Variants in CAMK4 observed in about 807,000 individuals in gnomAD.
CAMK4 encodes the protein calcium/calmodulin-dependent protein kinase type IV.
Under a neutral mutation model 44.9 loss-of-function variants are expected in CAMK4, and 22 were observed. The observed-to-expected ratio is 0.49, with a 90% CI of 0.35 to 0.70. The LOEUF (loss-of-function observed/expected upper bound fraction) is 0.70, where lower values mean the gene tolerates loss of function less well. Among genes scored for constraint, CAMK4 ranks in the 30% least tolerant of loss-of-function variants. The pLI, the probability that CAMK4 is intolerant of heterozygous loss-of-function variation, is 0.01. For missense variants in CAMK4, 498 were observed against 586.8 expected (o/e 0.85, Z 1.56); for synonymous variants, 218 against 215.4 (o/e 1.01, Z -0.11).
intron 5 of CAMK4, 127 bp from the exon 6 acceptor site, chr5:111,446,559 C>T: frequency 1.7e-6 from 1 of 573,818 alleles, no homozygotes; most frequent in South Asian, 2.5e-5. Flanking sequence ...CTTTATGGTA[C>T]TTATTGTTAA....
At chr5:111,256,637 G>A (rs370060727) in intron 1 of CAMK4, among the ~76,000 whole-genome samples, 10 of 152,060 alleles carry the variant, frequency 6.6e-5, no homozygotes, top group South Asian at 2.1e-4. Flanking sequence ...AATCAATATC[G>A]GTAATAAATG....
At chr5:111,259,075 A>T (rs1168864099) in intron 1 of CAMK4, among the ~76,000 whole-genome samples, 2 of 151,924 alleles carry the variant, frequency 1.3e-5, no homozygotes. Context: ...TTCCAATTCT[A>T]CTCTCACCCT....
At chr5:111,450,100 CTT>C (rs1361557272) in intron 7 of CAMK4, among the ~76,000 whole-genome samples, 4 of 151,872 alleles carry the variant, frequency 2.6e-5, no homozygotes, top group Non-Finnish European at 5.9e-5. Flanking sequence ...AGACGGGTCA[CTT>C]GAGGTCAGGA....
chr5:111,476,240 TG>T (rs1400114175), intron 8 of CAMK4, among the ~76,000 whole-genome samples: 551 of 10,186 alleles, frequency 0.054, 5 homozygotes, highest in South Asian at 0.32. Context: ...TTTGCTTCTT[TG>T]TGTGTGTGTG....
chr5:111,322,155 G>A (rs953015486), intron 1 of CAMK4, among the ~76,000 whole-genome samples: 18 of 152,044 alleles, frequency 1.2e-4, no homozygotes, highest in African/African-American at 4.1e-4. Context: ...ACACAGGTGA[G>A]TACCATATTC....
chr5:111,325,659 T>A (rs1748853495), intron 1 of CAMK4, among the ~76,000 whole-genome samples: 1 of 152,158 alleles, frequency 6.6e-6, no homozygotes, highest in Non-Finnish European at 1.5e-5. Flanking sequence ...CTATGTTTCT[T>A]GGCCACATAA....
At chr5:111,244,645 G>A (rs1286556326) in intron 1 of CAMK4, among the ~76,000 whole-genome samples, 1 of 152,116 alleles carries the variant, frequency 6.6e-6, no homozygotes, top group East Asian at 1.9e-4. Context: ...GGCGGATGTC[G>A]AGGTCAGGAG....
chr5:111,230,941 C>CAAA lies in CAMK4; in HGVS notation c.161+6299_161+6300insAAA, dbSNP rs1748444496. Among the ~76,000 whole-genome samples the CAAA allele has an allele frequency of 6.6e-5, 10 of 151,848 alleles. No individual in the cohort carries two copies. The East Asian group carries it at 9.7e-4, about 15-fold the overall frequency. ...ATACTGCAAAATATGGTGTTTGAGG[C>CAAA]AAGGAACCATGTAATTCAGGACAAA... is the stretch of plus-strand genomic sequence containing the variant. On this transcript the variant is annotated intron_variant, in intron 1 of 10. Transcript: ENST00000282356.
chr5:111,260,258 T>C (rs1287469992), intron 1 of CAMK4, among the ~76,000 whole-genome samples: 1 of 152,194 alleles, frequency 6.6e-6, no homozygotes, highest in Non-Finnish European at 1.5e-5. Context: ...CTGTTGAATA[T>C]TGGCCAAATT....
At chr5:111,279,684 A>G (rs1392108950) in intron 1 of CAMK4, among the ~76,000 whole-genome samples, 1 of 151,262 alleles carries the variant, frequency 6.6e-6, no homozygotes, top group Non-Finnish European at 1.5e-5. Context: ...GGTACTCATT[A>G]TATTGCTTTT....
chr5:111,372,987 A>T (rs1751069977), intron 2 of CAMK4, among the ~76,000 whole-genome samples: 1 of 152,162 alleles, frequency 6.6e-6, no homozygotes, highest in Non-Finnish European at 1.5e-5. Flanking sequence ...CTCCTCTAAG[A>T]ATTTATAGCT....
chr5:111,390,024 C>T (rs973937695), intron 4 of CAMK4, among the ~76,000 whole-genome samples: 1 of 152,146 alleles, frequency 6.6e-6, no homozygotes, highest in Admixed American at 6.6e-5. Context: ...TCCCATGAAG[C>T]ATGTCAATTA....
chr5:111,475,526 G>T (rs1425243189), intron 8 of CAMK4, among the ~76,000 whole-genome samples: 1 of 152,118 alleles, frequency 6.6e-6, no homozygotes, highest in African/African-American at 2.4e-5. Context: ...CTAAAAATCT[G>T]TCCTATCCCC....
intron 3 of CAMK4, 98 bp downstream of exon 3, chr5:111,375,010 C>G (rs1359499709): frequency 9.1e-6 from 7 of 772,880 alleles, no homozygotes; most frequent in Non-Finnish European, 1.6e-5. Context: ...AAGGGATTCT[C>G]CCACCACTGA....
At chr5:111,240,322 C>T (rs1213752187) in intron 1 of CAMK4, among the ~76,000 whole-genome samples, 1 of 150,100 alleles carries the variant, frequency 6.7e-6, no homozygotes, top group East Asian at 1.9e-4. Flanking sequence ...AAAAAAAACC[C>T]ATAAGTAGTA....
At chr5:111,481,286 G>C (rs900641672) in intron 9 of CAMK4, among the ~76,000 whole-genome samples, 3 of 152,028 alleles carry the variant, frequency 2.0e-5, no homozygotes, top group Admixed American at 6.6e-5. Context: ...TAAGGATTAG[G>C]GCTCATTTAC....
chr5:111,454,701 CTACAATATAACTA>C (rs943652399), intron 7 of CAMK4, among the ~76,000 whole-genome samples: 4 of 150,104 alleles, frequency 2.7e-5, no homozygotes, highest in African/African-American at 9.8e-5. Context: ...AATAAATGTG[CTACAATATAACTA>C]TACAATATTA....
intron 7 of CAMK4, among the ~76,000 whole-genome samples, chr5:111,453,784 C>CT (rs1400320644): frequency 6.6e-6 from 1 of 152,156 alleles, no homozygotes; most frequent in African/African-American, 2.4e-5. Context: ...AGACTACTGC[C>CT]TTTTGGGGTA....
intron 1 of CAMK4, among the ~76,000 whole-genome samples, chr5:111,320,214 A>G (rs530059658): frequency 2.0e-5 from 3 of 152,272 alleles, no homozygotes; most frequent in South Asian, 4.1e-4. Context: ...AATGAGCAAG[A>G]TGGCACATGG....
Sources: allele counts gnomAD v4.1 joint callset (sites outside exome capture counted in the v4.1 genomes callset), GRCh38; gene constraint gnomAD v4.1.1; transcripts MANE v1.5; gene names NCBI Gene and HGNC (gene_info 2026-07-23, HGNC 2026-07-21).